PLET1: variants seen among roughly 807,000 people sequenced by gnomAD.
PLET1 encodes the protein placenta expressed transcript 1, also known as placenta-expressed transcript 1 protein.
Under a neutral mutation model 18.5 loss-of-function variants are expected in PLET1, and 20 were observed. That is an observed-to-expected ratio of 1.08 (90% confidence interval 0.76 to 1.57). The LOEUF (loss-of-function observed/expected upper bound fraction) is 1.57. PLET1 is among the 40% of genes most tolerant of loss of function. PLET1 has a pLI of 0.00. For missense variants in PLET1, 256 were observed against 246.4 expected (o/e 1.04, Z -0.26); for synonymous variants, 93 against 93.8 (o/e 0.99, Z 0.05).
rs1025034938 is a variant in PLET1, at chr11:112,260,434, A to T, written c.156T>A (p.His52Gln). Residue 52 changes from histidine (H) to glutamine (Q), a missense_variant, in exon 1 of 4, where the codon CAT becomes CAA. Coordinates refer to ENST00000338832, the MANE Select transcript of PLET1 (RefSeq NM_001145024.1). ...TITLDIKASS[H>Q]IYESNAVYSV... ...AATAGACTGCATTGCTTTCGTAGATATGTGAACTGGCCTTGATGTCTAGGG... is the reference window on the plus strand; with the variant it reads ...AATAGACTGCATTGCTTTCGTAGATTTGTGAACTGGCCTTGATGTCTAGGG... 12 of 1,551,850 alleles carry T rather than the reference A, an allele frequency of 7.7e-6. No individual in the cohort carries two copies. Among genetic ancestry groups the T allele is most frequent in the Non-Finnish European group, 1.0e-5 (12 of 1,146,972 alleles).
chr11:112,260,336 G>T, intron 1 of PLET1, 70 bp downstream of exon 1: 2 of 1,363,666 alleles, frequency 1.5e-6, no homozygotes, highest in Non-Finnish European at 2.0e-6. Context: ...CGATAGAGGG[G>T]TGTGTTCTGA....
At chr11:112,257,528 G>T (rs1272744350) in intron 1 of PLET1, among the ~76,000 whole-genome samples, 2 of 152,088 alleles carry the variant, frequency 1.3e-5, no homozygotes, top group African/African-American at 4.8e-5. Flanking sequence ...TAAAAGTCAT[G>T]CATCCAATGT....
At chr11:112,254,967 TGA>T (rs1388875516) in intron 2 of PLET1, among the ~76,000 whole-genome samples, 1 of 26,492 alleles carries the variant, frequency 3.8e-5, no homozygotes, top group Non-Finnish European at 1.2e-4. Context: ...GATATGTATG[TGA>T]GTGTGGTGTG....
chr11:112,254,706 T>C (rs1244425648), intron 2 of PLET1, among the ~76,000 whole-genome samples: 11 of 135,698 alleles, frequency 8.1e-5, no homozygotes, highest in African/African-American at 3.1e-4. Context: ...GTGTGGTATG[T>C]ATGTGTGTGT....
chr11:112,258,186 A>G (rs182674982), intron 1 of PLET1, among the ~76,000 whole-genome samples: 115 of 151,478 alleles, frequency 7.6e-4, no homozygotes, highest in African/African-American at 2.7e-3. Flanking sequence ...ACCCCAGTGG[A>G]TCATGTTGAC....
At chr11:112,255,713 G>A (rs1860218621) in intron 1 of PLET1, 124 bp from the exon 2 acceptor site, 3 of 779,590 alleles carry the variant, frequency 3.8e-6, no homozygotes, top group African/African-American at 1.7e-5. Flanking sequence ...TGCACATCGA[G>A]TATATGGTCT....
At chr11:112,254,801 TGCATGTGTGGTGTGTGTGGC>T (rs1860201007) in intron 2 of PLET1, among the ~76,000 whole-genome samples, 1 of 90,400 alleles carries the variant, frequency 1.1e-5, no homozygotes, top group Non-Finnish European at 2.2e-5. Flanking sequence ...TGGTGTGTGG[TGCATGTGTGGTGTGTGTGGC>T]ATGTGGGGTG....
In PLET1 at chr11:112,255,561, A is replaced by G. The variant is rs1383707401; in HGVS notation, c.213T>C (p.Tyr71=). The G allele has an allele frequency of 6.4e-6, 10 of 1,551,248 alleles. No homozygotes were observed. The highest frequency in any genetic ancestry group is 2.0e-5 in the Admixed American group (1 of 50,976). The change falls in exon 2 of 4, where the codon TAT becomes TAC. Residue 71 remains tyrosine (Y), a synonymous_variant. Transcript: ENST00000338832. ...CGTCCAAGGTTTTCATGACCACAGCATAGACGCTGTCATTCACGGGAACAA... is the reference window on the plus strand; with the variant it reads ...CGTCCAAGGTTTTCATGACCACAGCGTAGACGCTGTCATTCACGGGAACAA... ...SVFVPVNDSV[Y]AVVMKTLDEN...
intron 3 of PLET1, among the ~76,000 whole-genome samples, chr11:112,250,446 C>G (rs111931106): frequency 6.6e-6 from 1 of 151,994 alleles, no homozygotes; most frequent in Non-Finnish European, 1.5e-5. Context: ...CCAGATGTCC[C>G]AATACCCTTG....
intron 3 of PLET1, among the ~76,000 whole-genome samples, chr11:112,251,589 T>G (rs867955536): frequency 7.2e-5 from 11 of 151,936 alleles, no homozygotes; most frequent in African/African-American, 2.4e-4. Context: ...AAAAGAAAAA[T>G]TAAATAGAGA....
intron 2 of PLET1, 72 bp from the exon 3 acceptor site, chr11:112,252,481 C>T (rs1022362030): frequency 8.3e-6 from 11 of 1,323,100 alleles, no homozygotes; most frequent in African/African-American, 1.5e-5. Context: ...GCTCACATTT[C>T]GGACTTCCCC....
At chr11:112,252,300 T>A in intron 3 of PLET1, 48 bp downstream of exon 3, 1 of 1,496,174 alleles carries the variant, frequency 6.7e-7, no homozygotes, top group Non-Finnish European at 9.1e-7. Flanking sequence ...TTTTCCAGGC[T>A]GACTGAGTTC....
Position 112,250,506 on chromosome 11 carries a change from C to T in PLET1, c.449-1532G>A, listed in dbSNP as rs115455085. 2.4e-3 allele frequency among the ~76,000 whole-genome samples: 359 copies of T among 152,270 alleles called. 2 individuals are homozygous for T. The highest frequency in any genetic ancestry group is 8.0e-3 in the African/African-American group (332 of 41,542). On this transcript the variant is annotated intron_variant, in intron 3 of 3. Transcript: ENST00000338832. ...ATAGTTACGCTTTGATGGACTTACA[C>T]ACTAAAATGTCAGGGATAGTTTTCT...
Position 112,260,692 on chromosome 11 carries a change from ATCT to A in PLET1, c.-106_-104del. On this transcript the variant is annotated 5_prime_UTR_variant, in exon 1 of 4. Coordinates refer to ENST00000338832, the MANE Select transcript of PLET1 (RefSeq NM_001145024.1). The stretch of plus-strand genomic sequence containing the variant: ...CTTCTGGGTGAAGTCATACATGCAG[ATCT>A]TCTCCCTGCCCCTTCTGAATATACA... The A allele has an allele frequency of 4.0e-6, 4 of 993,842 alleles. No homozygotes were observed. Among genetic ancestry groups the A allele is most frequent in the Non-Finnish European group, 4.4e-6 (3 of 680,312 alleles). 61.6% of individuals were successfully genotyped at this position (993,842 alleles called of 1,614,324 possible).
At chr11:112,257,165 C>T (rs1860232335) in intron 1 of PLET1, among the ~76,000 whole-genome samples, 1 of 152,194 alleles carries the variant, frequency 6.6e-6, no homozygotes, top group Admixed American at 6.5e-5. Flanking sequence ...AGAACCTAGC[C>T]TCAGCCTGCT....
chr11:112,254,809 T>A, intron 2 of PLET1, among the ~76,000 whole-genome samples: 1 of 111,948 alleles, frequency 8.9e-6, no homozygotes, highest in Admixed American at 9.9e-5. Flanking sequence ...GGTGCATGTG[T>A]GGTGTGTGTG....
intron 2 of PLET1, among the ~76,000 whole-genome samples, chr11:112,253,195 A>G (rs1444453608): frequency 6.6e-6 from 1 of 152,122 alleles, no homozygotes; most frequent in Non-Finnish European, 1.5e-5. Context: ...GGGAGCTCAT[A>G]TTTGATTTGG....
intron 3 of PLET1, among the ~76,000 whole-genome samples, chr11:112,249,963 T>TA (rs61227342): frequency 0.7 from 73,606 of 105,548 alleles, 24,711 homozygotes; most frequent in South Asian, 0.78. Context: ...TCTCAAAAAT[T>TA]AAAAAAAAAA....
intron 3 of PLET1, among the ~76,000 whole-genome samples, chr11:112,249,874 T>C (rs1860136299): frequency 6.6e-6 from 1 of 151,106 alleles, no homozygotes; most frequent in Non-Finnish European, 1.5e-5. Flanking sequence ...GGAGAATCAC[T>C]TGAACCCGGG....
Sources: allele counts gnomAD v4.1 joint callset (sites outside exome capture counted in the v4.1 genomes callset), GRCh38; gene constraint gnomAD v4.1.1; transcripts MANE v1.5; gene names NCBI Gene and HGNC (gene_info 2026-07-23, HGNC 2026-07-21).